CTNNA3: variants seen among roughly 807,000 people sequenced by gnomAD.
CTNNA3 encodes catenin alpha 3, also known as catenin alpha-3.
In CTNNA3, 76 loss-of-function variants were observed where a neutral mutation model predicts 95.7. The ratio of observed to expected loss-of-function variants is 0.79; its 90% confidence interval spans 0.66 to 0.96. CTNNA3 has a LOEUF of 0.96. Ranked by LOEUF, CTNNA3 falls within the 40% of genes least tolerant of loss-of-function variation. The pLI is 0.00. For synonymous variants in CTNNA3, 431 were observed against 374.4 expected (o/e 1.15, Z -1.74); for missense variants, 1,191 against 1,089.8 (o/e 1.09, Z -1.31).
Position 66,851,500 on chromosome 10 carries a change from T to G in CTNNA3, c.1048-75976A>C, listed in dbSNP as rs550099015. On this transcript the variant is annotated intron_variant, in intron 7 of 17. Transcript: ENST00000433211. Reference sequence around the variant, plus strand: ...GAGGTGGGGCCTGGTGGGATGTGGTTGGATCAGGGGGGTGGTTTCTCCTGA... The same window carrying G: ...GAGGTGGGGCCTGGTGGGATGTGGTGGGATCAGGGGGGTGGTTTCTCCTGA... Among the ~76,000 whole-genome samples the G allele has an allele frequency of 2.0e-5, 3 of 152,244 alleles. No individual in the cohort carries two copies. In the East Asian group the frequency reaches 5.8e-4, roughly 29 times the overall value.
intron 12 of CTNNA3, among the ~76,000 whole-genome samples, chr10:66,334,307 A>G (rs2092369125): frequency 6.6e-6 from 1 of 151,848 alleles, no homozygotes; most frequent in Non-Finnish European, 1.5e-5. Context: ...TAGTTGATGT[A>G]GTTTCTTCCT....
chr10:65,996,967 G>A (rs906314225), intron 15 of CTNNA3, among the ~76,000 whole-genome samples: 14 of 152,122 alleles, frequency 9.2e-5, no homozygotes, highest in African/African-American at 3.4e-4. Context: ...CCATCTTGGA[G>A]TCCTGTTCCA....
chr10:67,477,460 C>T (rs1675275972), intron 5 of CTNNA3, among the ~76,000 whole-genome samples: 1 of 152,040 alleles, frequency 6.6e-6, no homozygotes, highest in African/African-American at 2.4e-5. Context: ...AAATATATAC[C>T]CAGCTGCACT....
chr10:66,384,032 C>A (rs911840585), intron 11 of CTNNA3, among the ~76,000 whole-genome samples: 2 of 152,116 alleles, frequency 1.3e-5, no homozygotes, highest in African/African-American at 4.8e-5. Flanking sequence ...GAAGAAACTG[C>A]ATCAACTAAC....
intron 13 of CTNNA3, among the ~76,000 whole-genome samples, chr10:66,191,797 T>C (rs908242501): frequency 5.9e-5 from 9 of 152,166 alleles, no homozygotes; most frequent in Admixed American, 3.9e-4. Context: ...GTTTCAATGT[T>C]TCTCCCAAAG....
chr10:66,416,028 T>C (rs1397731665), intron 11 of CTNNA3, among the ~76,000 whole-genome samples: 1 of 152,014 alleles, frequency 6.6e-6, no homozygotes, highest in African/African-American at 2.4e-5. Flanking sequence ...TTCAGTGAGA[T>C]ATAAGAGAAT....
At chr10:66,901,790 C>T (rs567745210) in intron 7 of CTNNA3, among the ~76,000 whole-genome samples, 20 of 152,272 alleles carry the variant, frequency 1.3e-4, no homozygotes, top group African/African-American at 4.6e-4. Context: ...AAGGCCATTA[C>T]ATAATGGTAA....
chr10:67,644,421 T>A (rs1839638905), intron 2 of CTNNA3, among the ~76,000 whole-genome samples: 1 of 151,998 alleles, frequency 6.6e-6, no homozygotes, highest in Non-Finnish European at 1.5e-5. Flanking sequence ...TATTCTTATC[T>A]AAAAAAATAA....
intron 5 of CTNNA3, among the ~76,000 whole-genome samples, chr10:67,468,100 A>G (rs527859533): frequency 6.7e-6 from 1 of 150,100 alleles, no homozygotes; most frequent in South Asian, 2.1e-4. Flanking sequence ...GTGTCATGGG[A>G]GTTTGTTGTA....
At chr10:66,308,714 T>C (rs1372847533) in intron 12 of CTNNA3, among the ~76,000 whole-genome samples, 1 of 152,180 alleles carries the variant, frequency 6.6e-6, no homozygotes, top group Non-Finnish European at 1.5e-5. Flanking sequence ...CATGTCTTTT[T>C]AAAAGCAAAT....
At chr10:67,368,212 G>A (rs752390099) in intron 5 of CTNNA3, among the ~76,000 whole-genome samples, 4 of 152,164 alleles carry the variant, frequency 2.6e-5, no homozygotes, top group Admixed American at 6.5e-5. Context: ...AACCTAACAG[G>A]CATCTCACCA....
chr10:67,332,707 C>G (rs1359888661), intron 5 of CTNNA3, among the ~76,000 whole-genome samples: 4 of 152,108 alleles, frequency 2.6e-5, no homozygotes, highest in Non-Finnish European at 5.9e-5. Flanking sequence ...TTTTTAAAAG[C>G]AATTTTCCCT....
intron 7 of CTNNA3, among the ~76,000 whole-genome samples, chr10:66,865,374 A>G (rs958726823): frequency 6.6e-6 from 1 of 152,090 alleles, no homozygotes; most frequent in Non-Finnish European, 1.5e-5. Context: ...CATAAATATA[A>G]AGGTGCCAGC....
At chr10:67,749,137 T>C (rs902440113) in intron 1 of CTNNA3, among the ~76,000 whole-genome samples, 2 of 152,166 alleles carry the variant, frequency 1.3e-5, no homozygotes, top group Non-Finnish European at 2.9e-5. Flanking sequence ...TTTATGCATA[T>C]ATTTATGAAC....
intron 14 of CTNNA3, among the ~76,000 whole-genome samples, chr10:66,094,861 A>T (rs1362717261): frequency 6.6e-6 from 1 of 152,148 alleles, no homozygotes; most frequent in African/African-American, 2.4e-5. Flanking sequence ...AAAATGGACA[A>T]GTTCAGAAAA....
intron 3 of CTNNA3, among the ~76,000 whole-genome samples, chr10:67,587,682 G>A (rs1392942649): frequency 6.6e-6 from 1 of 152,110 alleles, no homozygotes; most frequent in Non-Finnish European, 1.5e-5. Context: ...ATGTGCCATA[G>A]CAAAGTCCTT....
At chr10:66,347,437 G>T (rs1389284662) in intron 12 of CTNNA3, among the ~76,000 whole-genome samples, 1 of 151,874 alleles carries the variant, frequency 6.6e-6, no homozygotes, top group Non-Finnish European at 1.5e-5. Flanking sequence ...ATTTTTGTGA[G>T]ATTCCGTCTC....
At chr10:67,321,657 C>T (rs1841323823) in intron 5 of CTNNA3, among the ~76,000 whole-genome samples, 1 of 152,154 alleles carries the variant, frequency 6.6e-6, no homozygotes, top group African/African-American at 2.4e-5. Flanking sequence ...TCTAGATGAT[C>T]TCAAATGCTG....
At chr10:66,158,335 A>G (rs960116973) in intron 13 of CTNNA3, among the ~76,000 whole-genome samples, 7 of 151,972 alleles carry the variant, frequency 4.6e-5, no homozygotes, top group African/African-American at 1.7e-4. Flanking sequence ...TTTATAAGGT[A>G]AGAGATGAGG....
Sources: gnomAD v4.1 joint callset for allele counts (sites outside exome capture counted in the v4.1 genomes callset) on GRCh38, gnomAD v4.1.1 for gene constraint, MANE v1.5 for transcripts, NCBI Gene and HGNC (gene_info 2026-07-23, HGNC 2026-07-21) for gene names.